SYNDIG1: variants seen among roughly 807,000 people sequenced by gnomAD.
SYNDIG1 encodes the protein synapse differentiation inducing 1.
Under a neutral mutation model 19.4 loss-of-function variants are expected in SYNDIG1, and 9 were observed. The ratio of observed to expected loss-of-function variants is 0.46; its 90% CI spans 0.28 to 0.81. The LOEUF (loss-of-function observed/expected upper bound fraction) is 0.81, where lower values mean the gene tolerates loss of function less well. Among genes scored for constraint, SYNDIG1 ranks in the 30% least tolerant of loss-of-function variants. The pLI, the probability that SYNDIG1 is intolerant of heterozygous loss-of-function variation, is 0.12. For missense variants in SYNDIG1, 311 were observed against 343.3 expected (o/e 0.91, Z 0.74); for synonymous variants, 141 against 145.9 (o/e 0.97, Z 0.24).
intron 1 of SYNDIG1, among the ~76,000 whole-genome samples, chr20:24,514,522 CAAAG>C (rs918990181): frequency 8.5e-5 from 13 of 152,234 alleles, no homozygotes; most frequent in African/African-American, 2.4e-4. Flanking sequence ...TCAAAAGAGA[CAAAG>C]AAGGCCATTA....
rs144630178 is a variant in SYNDIG1 at position 24,477,497 on chromosome 20, C to T, written c.-79+7744C>T. Among the ~76,000 whole-genome samples the T allele has an allele frequency of 2.0e-4, 31 of 152,262 alleles. No homozygotes were observed. In the Middle Eastern group the frequency reaches 0.01, roughly 50 times the overall value. On this transcript the variant is annotated intron_variant, in intron 1 of 3. Coordinates refer to ENST00000376862, the MANE Select transcript of SYNDIG1 (RefSeq NM_024893.3). ...TGTTCTGCTACTTCAGCCTTGCCCC[C>T]GGTGCACCTGGGACTGTAGCACCCA...
intron 3 of SYNDIG1, among the ~76,000 whole-genome samples, chr20:24,598,590 CTG>C (rs899150788): frequency 6.6e-6 from 1 of 152,262 alleles, no homozygotes; most frequent in African/African-American, 2.4e-5. Context: ...GTGGGTGAAA[CTG>C]TGAGGAAATC....
chr20:24,595,572 G>A (rs1342475379), intron 3 of SYNDIG1, among the ~76,000 whole-genome samples: 6 of 152,180 alleles, frequency 3.9e-5, no homozygotes, highest in Admixed American at 1.3e-4. Context: ...AGTAGGAATC[G>A]TACCAGCTCT....
intron 3 of SYNDIG1, among the ~76,000 whole-genome samples, chr20:24,591,869 A>T (rs1365064704): frequency 6.6e-6 from 1 of 152,230 alleles, no homozygotes; most frequent in Non-Finnish European, 1.5e-5. Context: ...AGATTCCACC[A>T]AATACTGCCC....
intron 2 of SYNDIG1, among the ~76,000 whole-genome samples, chr20:24,555,799 G>A (rs2057802202): frequency 6.6e-6 from 1 of 152,180 alleles, no homozygotes; most frequent in East Asian, 1.9e-4. Flanking sequence ...GGGGTGGAGA[G>A]TTCTGTAGAT....
chr20:24,491,968 G>A (rs1373125388), intron 1 of SYNDIG1, among the ~76,000 whole-genome samples: 2 of 152,212 alleles, frequency 1.3e-5, no homozygotes, highest in Non-Finnish European at 2.9e-5. Flanking sequence ...AAGAAATGCT[G>A]AAGACAGGTG....
chr20:24,646,550 G>A (rs144211041), intron 3 of SYNDIG1, among the ~76,000 whole-genome samples: 2,002 of 151,964 alleles, frequency 0.013, 37 homozygotes, highest in African/African-American at 0.045. Context: ...CATGCATACC[G>A]CTTTCAAGTC....
At chr20:24,511,124 A>G (rs1418975398) in intron 1 of SYNDIG1, among the ~76,000 whole-genome samples, 1 of 152,192 alleles carries the variant, frequency 6.6e-6, no homozygotes, top group Non-Finnish European at 1.5e-5. Flanking sequence ...ATCACTTGAA[A>G]TTCTTGGAAA....
intron 3 of SYNDIG1, among the ~76,000 whole-genome samples, chr20:24,609,154 T>C (rs6049811): frequency 2.0e-5 from 3 of 152,040 alleles, no homozygotes; most frequent in Non-Finnish European, 2.9e-5. Flanking sequence ...CATGCTTCAC[T>C]ACTCTGGAGG....
At chr20:24,479,505 C>T (rs1003115657) in intron 1 of SYNDIG1, among the ~76,000 whole-genome samples, 1 of 152,038 alleles carries the variant, frequency 6.6e-6, no homozygotes, top group Non-Finnish European at 1.5e-5. Flanking sequence ...CCCTCCAGCC[C>T]CTCAGGCTTC....
At position 24,621,591 on chromosome 20, in the gene SYNDIG1, T is replaced by G. The variant is rs73345371; in HGVS notation, c.618+36598T>G. 1.6e-3 allele frequency among the ~76,000 whole-genome samples: 238 copies of G among 152,286 alleles called. 1 individual carries two copies. The highest frequency in any genetic ancestry group is 4.6e-3 in the African/African-American group (193 of 41,554). The stretch of plus-strand genomic sequence containing the variant: ...ATCTGAAGCAGTGGCATCCTTTTTT[T>G]GGGGGAAAACTCTACCCTGGGAAGG... On this transcript the variant is annotated intron_variant, in intron 3 of 3. Transcript: ENST00000376862.
At chr20:24,510,918 C>G (rs1465241236) in intron 1 of SYNDIG1, among the ~76,000 whole-genome samples, 1 of 152,196 alleles carries the variant, frequency 6.6e-6, no homozygotes, top group Non-Finnish European at 1.5e-5. Context: ...ATCATCAGTT[C>G]CATATTCCAG....
At chr20:24,583,168 G>A (rs762323094) in intron 2 of SYNDIG1, among the ~76,000 whole-genome samples, 4 of 152,226 alleles carry the variant, frequency 2.6e-5, no homozygotes, top group Admixed American at 6.5e-5. Context: ...AAAGGGAGCC[G>A]TGGTCACCTG....
chr20:24,509,493 C>T (rs892884850), intron 1 of SYNDIG1, among the ~76,000 whole-genome samples: 1 of 152,148 alleles, frequency 6.6e-6, no homozygotes, highest in East Asian at 1.9e-4. Context: ...TAGAATTAAC[C>T]ATTGTGAGTG....
At chr20:24,587,323 C>T (rs1017855237) in intron 3 of SYNDIG1, among the ~76,000 whole-genome samples, 9 of 152,160 alleles carry the variant, frequency 5.9e-5, no homozygotes, top group African/African-American at 2.2e-4. Flanking sequence ...TATAAAGATA[C>T]CTGTGGAGCT....
intron 2 of SYNDIG1, among the ~76,000 whole-genome samples, chr20:24,570,385 A>G (rs1369693911): frequency 1.3e-5 from 2 of 152,228 alleles, no homozygotes; most frequent in Non-Finnish European, 2.9e-5. Flanking sequence ...TGGGAGAAAA[A>G]TATTTGTAAA....
chr20:24,570,328 G>T (rs955274612), intron 2 of SYNDIG1, among the ~76,000 whole-genome samples: 1 of 152,214 alleles, frequency 6.6e-6, no homozygotes, highest in Admixed American at 6.5e-5. Context: ...AAAAACTTTT[G>T]CTCTGCAAAA....
intron 2 of SYNDIG1, among the ~76,000 whole-genome samples, chr20:24,554,500 T>A (rs73612609): frequency 1.3e-5 from 2 of 152,146 alleles, no homozygotes; most frequent in Non-Finnish European, 2.9e-5. Context: ...ATTTATTGAG[T>A]GTTTTTAGCA....
chr20:24,590,794 G>C (rs1388350102), intron 3 of SYNDIG1, among the ~76,000 whole-genome samples: 2 of 152,184 alleles, frequency 1.3e-5, no homozygotes, highest in African/African-American at 4.8e-5. Flanking sequence ...AGGAGTGTAA[G>C]GCCTGAGCTG....
Sources: gnomAD v4.1 joint callset for allele counts (sites outside exome capture counted in the v4.1 genomes callset) on GRCh38, gnomAD v4.1.1 for gene constraint, MANE v1.5 for transcripts, NCBI Gene and HGNC (gene_info 2026-07-23, HGNC 2026-07-21) for gene names.